RIMS1: variants seen among roughly 807,000 people sequenced by gnomAD.
RIMS1 encodes regulating synaptic membrane exocytosis protein 1.
RIMS1 carries 83 observed loss-of-function variants against 214.1 expected under a neutral mutation model. The observed-to-expected ratio is 0.39, with a 90% CI of 0.32 to 0.47. The LOEUF is 0.47. Ranked by LOEUF, RIMS1 falls within the 20% of genes least tolerant of loss-of-function variation. RIMS1 has a pLI of 0.99. For synonymous variants in RIMS1, 793 were observed against 786.8 expected (o/e 1.01, Z -0.13); for missense variants, 2,050 against 2,161.8 (o/e 0.95, Z 1.03).
At position 71,890,800 on chromosome 6, in the gene RIMS1, A is replaced by G. The variant is rs180894838; in HGVS notation, c.164+3613A>G. On this transcript the variant is annotated intron_variant, in intron 1 of 33. Transcript: ENST00000521978. ...TAGTTAAACTGTGCTCAAGTTTATTATAAGTATAAATATTTGGATTCTCAC... is the reference window on the plus strand; with the variant it reads ...TAGTTAAACTGTGCTCAAGTTTATTGTAAGTATAAATATTTGGATTCTCAC... Among the ~76,000 whole-genome samples, 548 of 152,272 alleles carry G rather than the reference A, an allele frequency of 3.6e-3. 2 individuals are homozygous for G. Among genetic ancestry groups the G allele is most frequent in the African/African-American group, 0.011 (460 of 41,552 alleles).
chr6:72,085,273 A>C (rs1834372674), intron 2 of RIMS1, among the ~76,000 whole-genome samples: 1 of 152,136 alleles, frequency 6.6e-6, no homozygotes, highest in African/African-American at 2.4e-5. Flanking sequence ...AAAATTACTC[A>C]ATAACATCTG....
At chr6:72,195,269 T>C (rs1367653165) in intron 6 of RIMS1, among the ~76,000 whole-genome samples, 1 of 152,206 alleles carries the variant, frequency 6.6e-6, no homozygotes, top group Non-Finnish European at 1.5e-5. Context: ...AAATTAATTA[T>C]GCCTTTGAAT....
At chr6:72,242,664 A>G (rs2067465601) in intron 10 of RIMS1, among the ~76,000 whole-genome samples, 1 of 151,686 alleles carries the variant, frequency 6.6e-6, no homozygotes, top group Admixed American at 6.6e-5. Flanking sequence ...TGTAATATCA[A>G]AAAATATCAA....
intron 1 of RIMS1, among the ~76,000 whole-genome samples, chr6:71,917,204 G>A (rs1356232330): frequency 1.3e-5 from 2 of 152,104 alleles, no homozygotes; most frequent in African/African-American, 4.8e-5. Flanking sequence ...TCACATAAGG[G>A]CTATGTAAAC....
rs541872091 is a variant in RIMS1, at chr6:72,163,568, A to T, written c.472-16007A>T. On this transcript the variant is annotated intron_variant, in intron 4 of 33. Transcript: ENST00000521978. ...ATGTATAAATGGGTTTTTGGTGTGG[A>T]TGTCCTTTCTGTTTGTTAGTTTTCC... Among the ~76,000 whole-genome samples the T allele has an allele frequency of 7.9e-5, 11 of 139,956 alleles. 1 individual carries two copies. The Admixed American group carries it at 8.0e-4, about 10-fold the overall frequency. The allele number at this position is 139,956 out of a possible 152,430, so 91.8% of individuals were successfully genotyped here.
intron 1 of RIMS1, among the ~76,000 whole-genome samples, chr6:71,955,971 T>C (rs1385163848): frequency 2.0e-5 from 3 of 152,136 alleles, no homozygotes; most frequent in Non-Finnish European, 4.4e-5. Flanking sequence ...ATTTACTACT[T>C]AATGTTATAT....
chr6:72,198,624 A>G (rs2051407885), intron 6 of RIMS1, among the ~76,000 whole-genome samples: 1 of 151,998 alleles, frequency 6.6e-6, no homozygotes, highest in African/African-American at 2.4e-5. Context: ...ACAACAATAT[A>G]TTTCATATTT....
At chr6:72,003,450 A>G (rs1806067975) in intron 2 of RIMS1, among the ~76,000 whole-genome samples, 1 of 152,140 alleles carries the variant, frequency 6.6e-6, no homozygotes, top group African/African-American at 2.4e-5. Flanking sequence ...TGAATGAATG[A>G]ATGAATGACA....
chr6:72,336,445 T>C (rs769125256), intron 29 of RIMS1, among the ~76,000 whole-genome samples: 26 of 151,854 alleles, frequency 1.7e-4, no homozygotes, highest in Non-Finnish European at 2.7e-4. Flanking sequence ...CCAGAAGATG[T>C]ATTGTTAATA....
At chr6:72,315,964 A>G (rs576887401) in intron 28 of RIMS1, among the ~76,000 whole-genome samples, 1 of 152,112 alleles carries the variant, frequency 6.6e-6, no homozygotes, top group Non-Finnish European at 1.5e-5. Context: ...CATAATTTCT[A>G]TAGTTGTTTA....
In RIMS1 at chr6:72,195,368, T is replaced by G. The variant is rs182470765; in HGVS notation, c.1678+12219T>G. 1.5e-3 allele frequency among the ~76,000 whole-genome samples: 227 copies of G among 152,296 alleles called. 1 individual carries two copies. Among genetic ancestry groups the G allele is most frequent in the African/African-American group, 5.1e-3 (212 of 41,576 alleles). ...TTATAGCTGTTACTGCTAGGCAGTG[T>G]TTAGCAGTCTTTTGAGGAGCATAAG... On this transcript the variant is annotated intron_variant, in intron 6 of 33. Coordinates refer to ENST00000521978, the MANE Select transcript of RIMS1 (RefSeq NM_014989.7).
intron 11 of RIMS1, among the ~76,000 whole-genome samples, 186 bp from the exon 12 acceptor site, chr6:72,247,829 A>G (rs989447783): frequency 6.6e-6 from 1 of 152,156 alleles, no homozygotes; most frequent in Non-Finnish European, 1.5e-5. Context: ...AATAAGCATA[A>G]TACTTCGTTA....
At chr6:72,316,588 T>C (rs1398793943) in intron 28 of RIMS1, 7 of 418,172 alleles carry the variant, frequency 1.7e-5, no homozygotes, top group African/African-American at 1.2e-4. Flanking sequence ...GCCCCTGCCT[T>C]AGGAGCCTCA....
At chr6:71,900,517 T>C (rs1313729236) in intron 1 of RIMS1, among the ~76,000 whole-genome samples, 2 of 152,114 alleles carry the variant, frequency 1.3e-5, no homozygotes, top group African/African-American at 4.8e-5. Context: ...AGAGACCAGC[T>C]GGGAGGCTAC....
chr6:72,238,552 ATATAT>A (rs375529133), intron 9 of RIMS1, among the ~76,000 whole-genome samples: 3 of 152,284 alleles, frequency 2.0e-5, no homozygotes, highest in African/African-American at 7.2e-5. Flanking sequence ...TAAATGTATC[ATATAT>A]TAAATAGTAA....
chr6:72,118,862 A>G (rs2037631684), intron 4 of RIMS1, among the ~76,000 whole-genome samples: 1 of 151,796 alleles, frequency 6.6e-6, no homozygotes, highest in African/African-American at 2.4e-5. Context: ...TCCAGAATGA[A>G]CATTATACTG....
intron 4 of RIMS1, among the ~76,000 whole-genome samples, chr6:72,102,924 A>G (rs1053160946): frequency 3.9e-5 from 6 of 152,120 alleles, no homozygotes; most frequent in African/African-American, 1.4e-4. Context: ...GAAGCATATG[A>G]TCCTAATTTA....
intron 2 of RIMS1, among the ~76,000 whole-genome samples, chr6:71,981,196 A>G (rs1798389691): frequency 6.6e-6 from 1 of 152,254 alleles, no homozygotes; most frequent in East Asian, 1.9e-4. Context: ...CTGCAATTAT[A>G]TGCTGTTGTG....
chr6:72,173,286 T>C (rs2047270625), intron 4 of RIMS1, among the ~76,000 whole-genome samples: 1 of 152,092 alleles, frequency 6.6e-6, no homozygotes, highest in African/African-American at 2.4e-5. Context: ...CTTTGTTATA[T>C]TGAAATTTCA....
Sources: allele counts gnomAD v4.1 joint callset (sites outside exome capture counted in the v4.1 genomes callset), GRCh38; gene constraint gnomAD v4.1.1; transcripts MANE v1.5; gene names NCBI Gene and HGNC (gene_info 2026-07-23, HGNC 2026-07-21).